The following SNX29 variants were observed in gnomAD, a reference collection of about 807,000 sequenced individuals.
The protein encoded by SNX29 is sorting nexin-29.
A neutral mutation model predicts 102.1 loss-of-function variants in SNX29; 78 were observed. The observed-to-expected ratio is 0.76, with a 90% confidence interval of 0.64 to 0.92. The LOEUF (loss-of-function observed/expected upper bound fraction) is 0.92. Among genes scored for constraint, SNX29 ranks in the 40% least tolerant of loss-of-function variants. SNX29 has a pLI of 0.00. For missense variants in SNX29, 1,280 were observed against 1,061.7 expected (o/e 1.21, Z -2.86); for synonymous variants, 580 against 414.5 (o/e 1.40, Z -4.85).
At chr16:12,212,895 C>T (rs935968703) in intron 14 of SNX29, among the ~76,000 whole-genome samples, 3 of 152,192 alleles carry the variant, frequency 2.0e-5, no homozygotes, top group South Asian at 2.1e-4. Flanking sequence ...GGTTGAATCA[C>T]CTGCGGTCAG....
intron 13 of SNX29, among the ~76,000 whole-genome samples, chr16:12,181,593 C>T (rs1596449533): frequency 6.6e-6 from 1 of 152,126 alleles, no homozygotes. Flanking sequence ...ATGGGGGCCC[C>T]AAGATTTCTT....
At chr16:12,541,131 G>A (rs2077316658) in intron 20 of SNX29, among the ~76,000 whole-genome samples, 1 of 152,170 alleles carries the variant, frequency 6.6e-6, no homozygotes, top group African/African-American at 2.4e-5. Flanking sequence ...GAGACACAGG[G>A]GGAGGTGACC....
intron 18 of SNX29, among the ~76,000 whole-genome samples, chr16:12,430,659 G>C (rs2085273103): frequency 6.6e-6 from 1 of 152,144 alleles, no homozygotes; most frequent in Non-Finnish European, 1.5e-5. Flanking sequence ...CAGTAATATA[G>C]CTCATTCTGA....
chr16:12,550,930 A>G (rs1051651560), intron 20 of SNX29, among the ~76,000 whole-genome samples: 2 of 152,222 alleles, frequency 1.3e-5, no homozygotes, highest in African/African-American at 4.8e-5. Flanking sequence ...AAGTGGAAAT[A>G]AATTTTTAGT....
At chr16:12,401,249 T>C (rs571164855) in intron 17 of SNX29, among the ~76,000 whole-genome samples, 73 of 152,120 alleles carry the variant, frequency 4.8e-4, no homozygotes, top group Non-Finnish European at 9.1e-4. Context: ...TCTTCTCAAG[T>C]GCCTGTAACT....
At chr16:12,011,832 G>C (rs1477475583) in intron 3 of SNX29, among the ~76,000 whole-genome samples, 1 of 152,020 alleles carries the variant, frequency 6.6e-6, no homozygotes. Flanking sequence ...TTTAAACCTC[G>C]CATGCACCAT....
intron 13 of SNX29, among the ~76,000 whole-genome samples, chr16:12,155,631 C>T (rs75862312): frequency 2.2e-3 from 336 of 152,270 alleles, no homozygotes; most frequent in African/African-American, 7.8e-3. Context: ...TGAGGGCAGA[C>T]TGTGGAGTTG....
At chr16:12,174,823 C>T (rs1391139066) in intron 13 of SNX29, among the ~76,000 whole-genome samples, 2 of 152,148 alleles carry the variant, frequency 1.3e-5, no homozygotes, top group African/African-American at 2.4e-5. Context: ...CTCCCCTCCT[C>T]TTAGTAATAA....
Position 12,483,124 on chromosome 16 carries a change from T to TTTTTTTG in SNX29, c.2178+5271_2178+5272insGTTTTTT, listed in dbSNP as rs1597555809. Among the ~76,000 whole-genome samples, 43 of 111,798 alleles carry TTTTTTTG rather than the reference T, an allele frequency of 3.8e-4. 3 individuals are homozygous for TTTTTTTG. The highest frequency in any genetic ancestry group is 5.5e-4 in the Admixed American group (6 of 10,904). The allele number at this position is 111,798 out of a possible 152,430, so 73.3% of individuals were successfully genotyped here. A position where few individuals can be genotyped will look rare whatever the true frequency, so the allele number is the denominator to read the frequency against. The stretch of plus-strand genomic sequence containing the variant: ...TATTGAAGTTATTAAGTTTTTTTTT[T>TTTTTTTG]TTTTTTTTTTTTTTTTTTTGGAGAC... On this transcript the variant is annotated intron_variant, in intron 19 of 20. Transcript: ENST00000566228.
At chr16:12,386,405 C>G (rs138465300) in intron 16 of SNX29, among the ~76,000 whole-genome samples, 1 of 152,304 alleles carries the variant, frequency 6.6e-6, no homozygotes, top group East Asian at 1.9e-4. Context: ...GAGGAGGAAG[C>G]GAAGGGCAGA....
At chr16:12,045,401 AAGAC>A (rs1482832691) in intron 5 of SNX29, among the ~76,000 whole-genome samples, 1 of 124,146 alleles carries the variant, frequency 8.1e-6, no homozygotes, top group Non-Finnish European at 1.9e-5. Flanking sequence ...ACTTAACAGG[AAGAC>A]AGAGAGAGCT....
chr16:12,230,698 G>A (rs2077742049), intron 14 of SNX29, among the ~76,000 whole-genome samples: 1 of 152,120 alleles, frequency 6.6e-6, no homozygotes, highest in South Asian at 2.1e-4. Flanking sequence ...GGGAAAATAG[G>A]GAAACCAAAT....
intron 15 of SNX29, among the ~76,000 whole-genome samples, chr16:12,304,779 C>T (rs571045210): frequency 6.6e-6 from 1 of 152,234 alleles, no homozygotes; most frequent in South Asian, 2.1e-4. Context: ...ATATAAGTGG[C>T]CATATTTTTT....
chr16:12,206,054 A>G (rs1268110952), intron 14 of SNX29, among the ~76,000 whole-genome samples: 1 of 152,118 alleles, frequency 6.6e-6, no homozygotes, highest in Non-Finnish European at 1.5e-5. Context: ...CATCACCCCC[A>G]TGTAACTGCA....
At chr16:12,339,370 CAAAA>C (rs58148692) in intron 15 of SNX29, among the ~76,000 whole-genome samples, 1 of 56,276 alleles carries the variant, frequency 1.8e-5, no homozygotes, top group Admixed American at 2.6e-4. Flanking sequence ...GATTCTGTCT[CAAAA>C]AAAAAAAAAA....
chr16:12,140,070 A>C (rs2054816881), intron 13 of SNX29, among the ~76,000 whole-genome samples: 1 of 152,082 alleles, frequency 6.6e-6, no homozygotes, highest in South Asian at 2.1e-4. Context: ...ACTGCCTAAG[A>C]AAAAGAGCAG....
intron 14 of SNX29, among the ~76,000 whole-genome samples, chr16:12,249,883 C>T (rs1049586332): frequency 6.6e-6 from 1 of 152,204 alleles, no homozygotes; most frequent in Admixed American, 6.5e-5. Flanking sequence ...TGTTCCTGTT[C>T]TTATTTAATG....
intron 10 of SNX29, among the ~76,000 whole-genome samples, chr16:12,077,350 T>C (rs1383259475): frequency 6.6e-6 from 1 of 151,812 alleles, no homozygotes; most frequent in Non-Finnish European, 1.5e-5. Context: ...AACTTCATTA[T>C]GTTGTTGATG....
At chr16:12,565,931 C>A (rs2078985437) in intron 20 of SNX29, among the ~76,000 whole-genome samples, 1 of 152,328 alleles carries the variant, frequency 6.6e-6, no homozygotes, top group East Asian at 1.9e-4. Flanking sequence ...AGCCATCTGT[C>A]CAGTGTCTGC....
Sources: gnomAD v4.1 joint callset for allele counts (sites outside exome capture counted in the v4.1 genomes callset) on GRCh38, gnomAD v4.1.1 for gene constraint, MANE v1.5 for transcripts, NCBI Gene and HGNC (gene_info 2026-07-23, HGNC 2026-07-21) for gene names.